PTPRK: variants seen among roughly 807,000 people sequenced by gnomAD.
PTPRK encodes receptor-type tyrosine-protein phosphatase kappa.
A neutral mutation model predicts 178.0 loss-of-function variants in PTPRK; 75 were observed. The observed-to-expected ratio is 0.42, with a 90% CI of 0.35 to 0.51. PTPRK has a LOEUF of 0.51. PTPRK is among the 20% of genes least tolerant of loss of function. PTPRK has a pLI of 0.02. For missense variants in PTPRK, 1,441 were observed against 1,797.8 expected, an observed-to-expected ratio of 0.80 and a Z score of 3.59; for synonymous variants, 637 against 620.6, an observed-to-expected ratio of 1.03 and a Z score of -0.39.
intron 2 of PTPRK, among the ~76,000 whole-genome samples, chr6:128,378,288 C>T (rs546025397): frequency 4.6e-5 from 7 of 152,108 alleles, no homozygotes; most frequent in East Asian, 3.9e-4. Flanking sequence ...ACAGAATTTT[C>T]GGATGTTTGA....
At chr6:128,417,883 G>A (rs556177380) in intron 1 of PTPRK, among the ~76,000 whole-genome samples, 1 of 152,264 alleles carries the variant, frequency 6.6e-6, no homozygotes, top group South Asian at 2.1e-4. Context: ...CACATTCTTG[G>A]CAACCACTTT....
intron 1 of PTPRK, among the ~76,000 whole-genome samples, chr6:128,483,345 T>G (rs1852350535): frequency 6.6e-6 from 1 of 152,168 alleles, no homozygotes; most frequent in Non-Finnish European, 1.5e-5. Context: ...TCTAGCAACT[T>G]GCTTTATCCT....
chr6:128,045,707 A>G (rs1405478523), intron 13 of PTPRK, among the ~76,000 whole-genome samples: 1 of 152,110 alleles, frequency 6.6e-6, no homozygotes, highest in Non-Finnish European at 1.5e-5. Flanking sequence ...GAATAACAAT[A>G]TTAATTAATT....
At chr6:128,046,310 A>C (rs562773070) in intron 13 of PTPRK, among the ~76,000 whole-genome samples, 2 of 152,282 alleles carry the variant, frequency 1.3e-5, no homozygotes, top group African/African-American at 4.8e-5. Context: ...AATGATACAC[A>C]CTTGCTCCCT....
intron 3 of PTPRK, among the ~76,000 whole-genome samples, chr6:128,286,996 T>C (rs1175503656): frequency 6.6e-6 from 1 of 152,184 alleles, no homozygotes; most frequent in Non-Finnish European, 1.5e-5. Context: ...TGGATTTCTA[T>C]CCTGCCTCTT....
At chr6:128,108,230 T>C (rs771906244) in intron 7 of PTPRK, among the ~76,000 whole-genome samples, 2 of 152,096 alleles carry the variant, frequency 1.3e-5, no homozygotes, top group Non-Finnish European at 2.9e-5. Context: ...TTCCCTCATA[T>C]GACGCTAAAA....
At chr6:128,390,281 AACAG>A (rs1342395256) in intron 2 of PTPRK, among the ~76,000 whole-genome samples, 1 of 152,170 alleles carries the variant, frequency 6.6e-6, no homozygotes, top group Non-Finnish European at 1.5e-5. Context: ...GGTTTGCTTA[AACAG>A]ACACGCAGCA....
chr6:128,236,494 G>A (rs1422018639), intron 5 of PTPRK, among the ~76,000 whole-genome samples: 9 of 151,506 alleles, frequency 5.9e-5, no homozygotes, highest in African/African-American at 9.7e-5. Context: ...GACTAGATGC[G>A]CGCACCACCA....
At chr6:128,051,327 T>C (rs1176726856) in intron 13 of PTPRK, among the ~76,000 whole-genome samples, 1 of 152,200 alleles carries the variant, frequency 6.6e-6, no homozygotes, top group Non-Finnish European at 1.5e-5. Flanking sequence ...TTATCAGTAA[T>C]GTATTTCTGG....
intron 21 of PTPRK, among the ~76,000 whole-genome samples, chr6:127,987,685 A>T (rs1776138636): frequency 6.6e-6 from 1 of 152,090 alleles, no homozygotes. Flanking sequence ...TACACAGTTT[A>T]TTCCTCTTGC....
chr6:127,988,444 A>G (rs1776225210), intron 21 of PTPRK, among the ~76,000 whole-genome samples: 1 of 151,738 alleles, frequency 6.6e-6, no homozygotes, highest in African/African-American at 2.4e-5. Context: ...CATTATGCTA[A>G]CTTTTAAAAC....
chr6:128,475,397 G>A (rs938500571), intron 1 of PTPRK, among the ~76,000 whole-genome samples: 1 of 152,020 alleles, frequency 6.6e-6, no homozygotes, highest in Non-Finnish European at 1.5e-5. Flanking sequence ...ATCACTTCGC[G>A]AGAACAGCGA....
chr6:128,446,973 T>C (rs1418038111), intron 1 of PTPRK, among the ~76,000 whole-genome samples: 7 of 149,546 alleles, frequency 4.7e-5, no homozygotes, highest in African/African-American at 1.8e-4. Context: ...TTTTATCTTA[T>C]TTATCATAAT....
intron 7 of PTPRK, among the ~76,000 whole-genome samples, chr6:128,156,551 A>C (rs566795053): frequency 2.0e-5 from 3 of 152,046 alleles, no homozygotes; most frequent in Non-Finnish European, 2.9e-5. Context: ...GTAAGAACTT[A>C]CTATCACAAG....
chr6:128,058,853 T>C (rs1780346122), intron 13 of PTPRK, among the ~76,000 whole-genome samples: 1 of 152,074 alleles, frequency 6.6e-6, no homozygotes, highest in Non-Finnish European at 1.5e-5. Flanking sequence ...TGTATTTTTT[T>C]ATATAGTGTG....
At chr6:128,112,687 A>G (rs1790865614) in intron 7 of PTPRK, among the ~76,000 whole-genome samples, 1 of 152,128 alleles carries the variant, frequency 6.6e-6, no homozygotes, top group South Asian at 2.1e-4. Flanking sequence ...GCTTGTGTGT[A>G]CTTACAAAAT....
chr6:128,418,432 C>G (rs560212832), intron 1 of PTPRK, among the ~76,000 whole-genome samples: 4 of 152,102 alleles, frequency 2.6e-5, no homozygotes, highest in Non-Finnish European at 5.9e-5. Flanking sequence ...AGCTCTGCCT[C>G]GTGTGTCAGA....
intron 7 of PTPRK, among the ~76,000 whole-genome samples, chr6:128,100,340 AC>A (rs1274008948): frequency 6.6e-6 from 1 of 152,038 alleles, no homozygotes; most frequent in East Asian, 1.9e-4. Context: ...TTTTTAAATT[AC>A]TAGAATAAAT....
chr6:128,365,563 A>G (rs1835364090), intron 2 of PTPRK, among the ~76,000 whole-genome samples: 1 of 152,114 alleles, frequency 6.6e-6, no homozygotes, highest in South Asian at 2.1e-4. Context: ...GTGACCATTC[A>G]TACTAACATG....
Sources: allele counts gnomAD v4.1 joint callset (sites outside exome capture counted in the v4.1 genomes callset), GRCh38; gene constraint gnomAD v4.1.1; transcripts MANE v1.5; gene names NCBI Gene and HGNC (gene_info 2026-07-23, HGNC 2026-07-21).